TTC3: variants seen among roughly 807,000 people sequenced by gnomAD.
The protein encoded by TTC3 is E3 ubiquitin-protein ligase TTC3.
A neutral mutation model predicts 249.6 loss-of-function variants in TTC3; 180 were observed. The observed-to-expected ratio is 0.72, with a 90% CI of 0.64 to 0.82. The LOEUF is 0.82. Among genes scored for constraint, TTC3 ranks in the 40% least tolerant of loss-of-function variants. The probability of loss-of-function intolerance (pLI) is 0.00; values close to 1 mark genes in which losing one functional copy is unlikely to be tolerated. For synonymous variants in TTC3, 717 were observed against 805.0 expected (o/e 0.89, Z 1.85); for missense variants, 2,061 against 2,398.4 (o/e 0.86, Z 2.94).
chr21:37,164,312 G>T, intron 32 of TTC3, 97 bp downstream of exon 32: 7 of 1,181,568 alleles, frequency 5.9e-6, no homozygotes, highest in East Asian at 2.9e-5. Flanking sequence ...TAGAGATTTT[G>T]CCACATTTTA....
intron 36 of TTC3, among the ~76,000 whole-genome samples, chr21:37,183,341 G>A (rs903690874): frequency 6.6e-6 from 1 of 152,158 alleles, no homozygotes; most frequent in African/African-American, 2.4e-5. Context: ...TTGTCTTGTA[G>A]TGTGAACGAT....
At chr21:37,202,559 C>T (rs975493528) in exon 46 of TTC3, 3 of 152,206 alleles carry the variant, frequency 2.0e-5, no homozygotes, top group African/African-American at 7.2e-5. Flanking sequence ...TACAATCGTT[C>T]TGTGTTTGAT....
In TTC3 at chr21:37,161,871, C is replaced by T. The variant is rs1489224313; in HGVS notation, c.3097-119C>T. 4.9e-6 allele frequency: 3 copies of T among 610,198 alleles called. No homozygotes were observed. In the African/African-American group the frequency reaches 5.6e-5, roughly 11 times the overall value. 37.8% of individuals were successfully genotyped at this position (610,198 alleles called of 1,614,324 possible). A position where few individuals can be genotyped will look rare whatever the true frequency, so the allele number is the denominator to read the frequency against. ...TGTTTATAAGAAAATTTGGATAGATCTTATATATCAGCAATTTGTATGTGT... is the reference window on the plus strand; with the variant it reads ...TGTTTATAAGAAAATTTGGATAGATTTTATATATCAGCAATTTGTATGTGT... On this transcript the variant is annotated intron_variant, in intron 30 of 45. Coordinates refer to ENST00000355666, the Ensembl canonical transcript of TTC3.
chr21:37,161,934 C>A, intron 30 of TTC3, 56 bp from the exon 31 acceptor site: 1 of 820,678 alleles, frequency 1.2e-6, no homozygotes, highest in South Asian at 2.6e-5. Context: ...TGATTTTTCT[C>A]TTTAATGGAA....
chr21:37,160,607 T>TA (rs1036012467), intron 29 of TTC3, among the ~76,000 whole-genome samples, 195 bp from the exon 30 acceptor site: 6 of 348 alleles, frequency 0.017, no homozygotes, highest in African/African-American at 0.052. Context: ...TAGTATACAT[T>TA]AGTATTATTA....
At chr21:37,083,004 ATC>A (rs1368079016) in intron 1 of TTC3, 1 of 985,312 alleles carries the variant, frequency 1.0e-6, no homozygotes, top group Non-Finnish European at 1.2e-6. Context: ...TGCACAATAT[ATC>A]CTCTGGATCC....
chr21:37,137,366 A>G (rs2078044440), intron 18 of TTC3, among the ~76,000 whole-genome samples: 1 of 152,220 alleles, frequency 6.6e-6, no homozygotes, highest in African/African-American at 2.4e-5. Context: ...GATGCATGTG[A>G]GAGATCAAAA....
intron 11 of TTC3, among the ~76,000 whole-genome samples, chr21:37,112,313 AAG>A (rs1286989010): frequency 6.6e-5 from 10 of 152,174 alleles, no homozygotes; most frequent in African/African-American, 2.4e-4. Flanking sequence ...CTAATAAGAA[AAG>A]AGAGAAGAAT....
chr21:37,168,774 C>T (rs2081466442), intron 34 of TTC3, among the ~76,000 whole-genome samples: 1 of 152,042 alleles, frequency 6.6e-6, no homozygotes, highest in Admixed American at 6.5e-5. Context: ...ATTGTGAAAT[C>T]TCACAATTTC....
chr21:37,153,074 T>C, exon 27 of TTC3: 1 of 1,613,898 alleles, frequency 6.2e-7, no homozygotes, highest in Non-Finnish European at 8.5e-7. Flanking sequence ...AAAGAATTGC[T>C]TTCTTGGAAA....
chr21:37,172,594 G>A lies in TTC3; in HGVS notation c.4468-1G>A. On this transcript the variant is annotated splice_acceptor_variant, in intron 34 of 45. Transcript: ENST00000355666. LOFTEE classifies it high-confidence loss of function. ...TAGATTGTTTTGTAATTCACTTTTA[G>A]GGGGAAATTTCACGGATTGAAAAGG... The A allele has an allele frequency of 1.2e-6, 2 of 1,608,696 alleles. No homozygotes were observed. Among genetic ancestry groups the A allele is most frequent in the Non-Finnish European group, 1.7e-6 (2 of 1,178,574 alleles).
chr21:37,167,033 G>T (rs1403857072), intron 33 of TTC3, among the ~76,000 whole-genome samples: 1 of 152,180 alleles, frequency 6.6e-6, no homozygotes, highest in African/African-American at 2.4e-5. Context: ...CCAGCGTGGG[G>T]TGCCTGCCCC....
At chr21:37,088,772 C>A in intron 4 of TTC3, 27 bp from the exon 5 acceptor site, 2 of 1,588,632 alleles carry the variant, frequency 1.3e-6, no homozygotes, top group Non-Finnish European at 8.6e-7. Flanking sequence ...AGAATCTAAT[C>A]TTTTAAAAAA....
At chr21:37,163,923 T>C in intron 31 of TTC3, 128 bp from the exon 32 acceptor site, 2 of 1,007,306 alleles carry the variant, frequency 2.0e-6, no homozygotes, top group Non-Finnish European at 2.7e-6. Context: ...TGCTATTTTT[T>C]TGCAACATAG....
chr21:37,082,785 A>G (rs901695653), intron 1 of TTC3: 5 of 983,450 alleles, frequency 5.1e-6, no homozygotes, highest in East Asian at 1.1e-4. Context: ...ATAGTTGACC[A>G]TAACTGATGG....
At chr21:37,197,476 C>T in intron 42 of TTC3, 94 bp from the exon 43 acceptor site, 3 of 1,459,222 alleles carry the variant, frequency 2.1e-6, no homozygotes, top group Admixed American at 1.8e-5. Context: ...GTCTTTGTTT[C>T]TTTGGGTTGG....
chr21:37,134,366 G>A (rs1215776358), intron 17 of TTC3, among the ~76,000 whole-genome samples: 2 of 151,894 alleles, frequency 1.3e-5, no homozygotes, highest in African/African-American at 2.4e-5. Context: ...CAGGAGAATC[G>A]CTTGAACCCC....
chr21:37,094,364 GTTCA>G (rs2073682875), intron 8 of TTC3, among the ~76,000 whole-genome samples: 2 of 152,128 alleles, frequency 1.3e-5, no homozygotes, highest in South Asian at 2.1e-4. Flanking sequence ...GTGCTACACT[GTTCA>G]TTCATAGGAA....
chr21:37,104,188 T>C (rs1236022805), intron 10 of TTC3, among the ~76,000 whole-genome samples: 1 of 152,200 alleles, frequency 6.6e-6, no homozygotes, highest in East Asian at 1.9e-4. Flanking sequence ...CGTTTCTGCC[T>C]TAAGCAGCAT....
Sources: gnomAD v4.1 joint callset for allele counts (sites outside exome capture counted in the v4.1 genomes callset) on GRCh38, gnomAD v4.1.1 for gene constraint, MANE v1.5 for transcripts, NCBI Gene and HGNC (gene_info 2026-07-23, HGNC 2026-07-21) for gene names.